CMTR1: variants seen among roughly 807,000 people sequenced by gnomAD.
CMTR1 encodes cap-specific mRNA (nucleoside-2'-O-)-methyltransferase 1.
A neutral mutation model predicts 107.0 loss-of-function variants in CMTR1; 39 were observed. The observed-to-expected ratio is 0.36, with a 90% CI of 0.28 to 0.48. The LOEUF is 0.48. CMTR1 is among the 20% of genes least tolerant of loss of function. The pLI is 0.99. For synonymous variants in CMTR1, 366 were observed against 379.5 expected, an observed-to-expected ratio of 0.96 and a Z score of 0.41; for missense variants, 672 against 1,064.9, an observed-to-expected ratio of 0.63 and a Z score of 5.14.
At position 37,461,530 on chromosome 6, in the gene CMTR1, C is replaced by T. The variant is rs1204043400; in HGVS notation, c.1096-19C>T. The T allele has an allele frequency of 1.4e-6, 2 of 1,465,694 alleles. No individual in the cohort carries two copies. The highest frequency in any genetic ancestry group is 2.3e-5 in the South Asian group (2 of 86,088). 90.8% of individuals were successfully genotyped at this position (1,465,694 alleles called of 1,614,324 possible). A position where few individuals can be genotyped will look rare whatever the true frequency, so the allele number is the denominator to read the frequency against. On this transcript the variant is annotated intron_variant, in intron 10 of 23. Coordinates refer to ENST00000373451, the MANE Select transcript of CMTR1 (RefSeq NM_015050.3). ...TCTCTTTTCTCTTTCCCACCCCATT[C>T]CTTGTGCTCTCATTTCAGGGTTTCT... is the stretch of plus-strand genomic sequence containing the variant.
Position 37,472,346 on chromosome 6 carries a change from C to T in CMTR1, c.1621-73C>T. ...CCCCAGTCTGACCCTATCTCCTCCA[C>T]CTGCATATACTCATACACGGTCTTG... On this transcript the variant is annotated intron_variant, in intron 15 of 23. Coordinates refer to ENST00000373451, the MANE Select transcript of CMTR1 (RefSeq NM_015050.3). This position sits in a 1 kb window ranked among gnomAD's most constrained non-coding sequence, Gnocchi z 4.1. 1 of 1,383,016 alleles carries T rather than the reference C, an allele frequency of 7.2e-7. No individual in the cohort carries two copies. Among genetic ancestry groups the T allele is most frequent in the Non-Finnish European group, 1.0e-6 (1 of 970,298 alleles). The allele number at this position is 1,383,016 out of a possible 1,614,324, so 85.7% of individuals were successfully genotyped here. A position where few individuals can be genotyped will look rare whatever the true frequency, so the allele number is the denominator to read the frequency against.
chr6:37,471,902 G>A lies in CMTR1; in HGVS notation c.1618G>A (p.Gly540Arg). The A allele has an allele frequency of 8.7e-6, 14 of 1,613,080 alleles. No homozygotes were observed. Among genetic ancestry groups the A allele is most frequent in the Non-Finnish European group, 1.1e-5 (13 of 1,179,800 alleles). Residue 540 changes from glycine to arginine, a missense_variant and splice_region_variant, in exon 15 of 24, where the codon GGG becomes AGG. Physicochemically the swap from Gly to Arg is moderately radical, Grantham distance 125. Transcript: ENST00000373451. ...EIRKECLRLW[G>R]IPDQARVAPS... ...ACGGAAGGAGTGCCTCCGACTCTGG[G>A]GGGTGAGTATCTCCCCCGCCCATTG...
Position 37,475,770 on chromosome 6 carries a change from A to G in CMTR1, c.2037-356A>G. 6.3e-6 allele frequency: 3 copies of G among 477,156 alleles called. No homozygotes were observed. In the South Asian group the frequency reaches 6.6e-5, roughly 10 times the overall value. 29.6% of individuals were successfully genotyped at this position (477,156 alleles called of 1,614,324 possible). ...TTGAGTGGTCCCATTTAAGTTGCTCATCTGAGTGGGTGCACTGTAGTTTCC... is the reference window on the plus strand; with the variant it reads ...TTGAGTGGTCCCATTTAAGTTGCTCGTCTGAGTGGGTGCACTGTAGTTTCC... On this transcript the variant is annotated intron_variant, in intron 19 of 23. Coordinates refer to ENST00000373451, the MANE Select transcript of CMTR1 (RefSeq NM_015050.3).
intron 13 of CMTR1, among the ~76,000 whole-genome samples, chr6:37,470,337 G>A (rs1000940188): frequency 3.3e-5 from 5 of 151,954 alleles, no homozygotes; most frequent in African/African-American, 9.7e-5. Context: ...TAGTAGAGAC[G>A]GGGTTTCACC....
chr6:37,465,288 A>G (rs1286591453), intron 13 of CMTR1, among the ~76,000 whole-genome samples: 1 of 151,760 alleles, frequency 6.6e-6, no homozygotes, highest in Non-Finnish European at 1.5e-5. Context: ...AGTATATTAT[A>G]TATAAAAACA....
At chr6:37,467,350 C>T (rs1028644925) in intron 13 of CMTR1, among the ~76,000 whole-genome samples, 4 of 152,118 alleles carry the variant, frequency 2.6e-5, no homozygotes, top group Non-Finnish European at 5.9e-5. Flanking sequence ...TTTAGTCACA[C>T]CATTCTCAGA....
At chr6:37,451,908 A>C (rs1165320370) in intron 6 of CMTR1, 31 bp downstream of exon 6, 1 of 1,577,638 alleles carries the variant, frequency 6.3e-7, no homozygotes, top group East Asian at 2.2e-5. Flanking sequence ...CCAGATAATG[A>C]AAACCTTGTG....
intron 4 of CMTR1, among the ~76,000 whole-genome samples, chr6:37,448,562 G>C (rs1771859974): frequency 6.6e-6 from 1 of 152,202 alleles, no homozygotes; most frequent in Non-Finnish European, 1.5e-5. Context: ...TTCACTGCCA[G>C]ATTCATGGAC....
chr6:37,463,770 C>A (rs1431678164), intron 13 of CMTR1, among the ~76,000 whole-genome samples: 4 of 152,160 alleles, frequency 2.6e-5, no homozygotes, highest in Non-Finnish European at 5.9e-5. Context: ...CCTATTCTCT[C>A]CTATTTTTCC....
intron 13 of CMTR1, among the ~76,000 whole-genome samples, chr6:37,470,208 G>T (rs1478169989): frequency 6.6e-6 from 1 of 150,856 alleles, no homozygotes; most frequent in Non-Finnish European, 1.5e-5. Context: ...GTGCAGTGGC[G>T]CGATCTCGGC....
intron 1 of CMTR1, among the ~76,000 whole-genome samples, chr6:37,435,041 A>G (rs1581724255): frequency 6.6e-6 from 1 of 152,134 alleles, no homozygotes; most frequent in Non-Finnish European, 1.5e-5. Context: ...GTCTTAAGTC[A>G]TTTCACTGCT....
intron 14 of CMTR1, among the ~76,000 whole-genome samples, 200 bp from the exon 15 acceptor site, chr6:37,471,647 G>A (rs766873732): frequency 2.6e-5 from 4 of 152,116 alleles, no homozygotes; most frequent in East Asian, 1.9e-4. Flanking sequence ...ATCCCATTTC[G>A]TGTATGTTTG....
chr6:37,446,625 G>A (rs553887312), intron 4 of CMTR1, among the ~76,000 whole-genome samples, 176 bp downstream of exon 4: 9 of 152,370 alleles, frequency 5.9e-5, no homozygotes, highest in African/African-American at 2.2e-4. Flanking sequence ...GGCTGGGGGA[G>A]ATATGGTGGG....
At chr6:37,434,720 T>G (rs1270776671) in intron 1 of CMTR1, among the ~76,000 whole-genome samples, 2 of 152,042 alleles carry the variant, frequency 1.3e-5, no homozygotes, top group Non-Finnish European at 2.9e-5. Context: ...GCCTCAGCAA[T>G]TCAAGCGGTT....
Position 37,472,405 on chromosome 6 carries a change from CTG to C in CMTR1, c.1621-12_1621-11del. On this transcript the variant is annotated splice_polypyrimidine_tract_variant and intron_variant, in intron 15 of 23. Coordinates refer to ENST00000373451, the MANE Select transcript of CMTR1 (RefSeq NM_015050.3). The surrounding 1 kb of genome is among the most constrained non-coding windows in gnomAD (Gnocchi z 4.1). ...GGCATTTGAAAGTCAAAGCTCTTTG[CTG>C]TCTTATTTCAGATCCCAGACCAGGC... 1.2e-6 allele frequency: 2 copies of C among 1,614,026 alleles called. No individual in the cohort carries two copies. Among genetic ancestry groups the C allele is most frequent in the Non-Finnish European group, 1.7e-6 (2 of 1,179,842 alleles).
At chr6:37,469,681 CCAT>C (rs1761584468) in intron 13 of CMTR1, among the ~76,000 whole-genome samples, 1 of 151,554 alleles carries the variant, frequency 6.6e-6, no homozygotes, top group Non-Finnish European at 1.5e-5. Context: ...GTGCCCACCA[CCAT>C]GCCTGGCTAG....
rs150340752 is a variant in CMTR1, at chr6:37,480,698, G to A, written c.*553G>A. On this transcript the variant is annotated 3_prime_UTR_variant, in exon 24 of 24. Coordinates refer to ENST00000373451, the MANE Select transcript of CMTR1 (RefSeq NM_015050.3). ...ATGCCAAATTGGAGACCATTTTCTTGTCTCCTTCCCCCACTCATCCTGGCC... is the reference window on the plus strand; with the variant it reads ...ATGCCAAATTGGAGACCATTTTCTTATCTCCTTCCCCCACTCATCCTGGCC... 12 of 1,017,696 alleles carry A rather than the reference G, an allele frequency of 1.2e-5. No individual in the cohort carries two copies. Among genetic ancestry groups the A allele is most frequent in the East Asian group, 2.1e-4 (2 of 9,418 alleles). The allele number at this position is 1,017,696 out of a possible 1,614,324, so 63.0% of individuals were successfully genotyped here.
intron 8 of CMTR1, 60 bp downstream of exon 8, chr6:37,453,372 T>C (rs2113874018): frequency 2.1e-6 from 3 of 1,449,872 alleles, no homozygotes; most frequent in East Asian, 2.3e-5. Flanking sequence ...TTTCAGTGGC[T>C]CAGCCATTGC....
chr6:37,425,924 T>G, the CMTR1 span, among the ~76,000 whole-genome samples: 1 of 152,218 alleles, frequency 6.6e-6, no homozygotes, highest in South Asian at 2.1e-4. Context: ...TATGTTGGTC[T>G]GCTCCGTGGT....
Sources: allele counts gnomAD v4.1 joint callset (sites outside exome capture counted in the v4.1 genomes callset), GRCh38; gene constraint gnomAD v4.1.1; non-coding constraint Gnocchi (gnomAD v3.1); transcripts MANE v1.5; gene names NCBI Gene and HGNC (gene_info 2026-07-23, HGNC 2026-07-21).